LAMA2: variants seen among roughly 807,000 people sequenced by gnomAD.
LAMA2 encodes laminin subunit alpha-2.
In LAMA2, 269 loss-of-function variants were observed where a neutral mutation model predicts 364.8. The ratio of observed to expected loss-of-function variants is 0.74; its 90% CI spans 0.67 to 0.82. The LOEUF (loss-of-function observed/expected upper bound fraction) is 0.82. Among genes scored for constraint, LAMA2 ranks in the 40% least tolerant of loss-of-function variants. LAMA2 has a pLI of 0.00. For synonymous variants in LAMA2, 1,379 were observed against 1,370.6 expected (o/e 1.01, Z -0.14); for missense variants, 3,807 against 3,873.2 (o/e 0.98, Z 0.45).
chr6:129,505,970 T>A (rs938685881), intron 61 of LAMA2, among the ~76,000 whole-genome samples: 11 of 152,336 alleles, frequency 7.2e-5, no homozygotes, highest in Non-Finnish European at 1.3e-4. Flanking sequence ...CAAGTTAATC[T>A]TTTTTAACAA....
chr6:129,277,152 C>T lies in LAMA2; in HGVS notation c.2451-2909C>T, dbSNP rs572087690. Among the ~76,000 whole-genome samples, 130 of 152,048 alleles carry T rather than the reference C, an allele frequency of 8.5e-4. 1 individual carries two copies. Among genetic ancestry groups the T allele is most frequent in the Non-Finnish European group, 8.8e-4 (60 of 67,966 alleles). The stretch of plus-strand genomic sequence containing the variant: ...TTCCTGTGGCGTGGTTTGGATAATC[C>T]GGGATGAAGAACATTTTCTGCTGGT... On this transcript the variant is annotated intron_variant, in intron 17 of 64. Coordinates refer to ENST00000421865, the MANE Select transcript of LAMA2 (RefSeq NM_000426.4).
chr6:129,150,764 C>T (rs933403776), intron 7 of LAMA2, among the ~76,000 whole-genome samples: 1 of 152,072 alleles, frequency 6.6e-6, no homozygotes, highest in Non-Finnish European at 1.5e-5. Flanking sequence ...TAAAGCCATA[C>T]ATAAAAATCA....
intron 51 of LAMA2, among the ~76,000 whole-genome samples, chr6:129,466,331 A>C (rs1321884405): frequency 6.6e-6 from 1 of 152,024 alleles, no homozygotes; most frequent in South Asian, 2.1e-4. Flanking sequence ...GTCAGTTTCC[A>C]CTGGAGTGAC....
At chr6:129,487,203 G>A (rs1370070232) in intron 56 of LAMA2, among the ~76,000 whole-genome samples, 5 of 152,228 alleles carry the variant, frequency 3.3e-5, no homozygotes, top group Non-Finnish European at 7.3e-5. Flanking sequence ...CTGCTGCCCT[G>A]AGCCTGGCCA....
At chr6:129,470,397 T>C (rs1298784571) in intron 51 of LAMA2, among the ~76,000 whole-genome samples, 3 of 151,942 alleles carry the variant, frequency 2.0e-5, no homozygotes, top group Non-Finnish European at 4.4e-5. Flanking sequence ...CAAGCATACA[T>C]ACATTTAAGT....
chr6:128,929,219 AG>A, intron 1 of LAMA2: 2 of 1,488,790 alleles, frequency 1.3e-6, no homozygotes, highest in South Asian at 2.3e-5. Context: ...GCGCCTTCTG[AG>A]CTTCTTCCTC....
intron 1 of LAMA2, among the ~76,000 whole-genome samples, chr6:128,887,869 CAAACA>C (rs561343120): frequency 4.3e-4 from 65 of 152,150 alleles, no homozygotes; most frequent in South Asian, 1.0e-3. Flanking sequence ...GACTCTATCT[CAAACA>C]AAACAAAACA....
At chr6:129,177,333 C>T (rs1018678107) in intron 9 of LAMA2, among the ~76,000 whole-genome samples, 8 of 152,148 alleles carry the variant, frequency 5.3e-5, no homozygotes, top group Non-Finnish European at 7.3e-5. Flanking sequence ...AGGCTTGTTC[C>T]GTGAGCCACT....
chr6:128,984,973 T>C (rs1783128252), intron 1 of LAMA2, among the ~76,000 whole-genome samples: 7 of 152,216 alleles, frequency 4.6e-5, no homozygotes, highest in Admixed American at 3.9e-4. Context: ...TACTAATTAG[T>C]TACTTGGTAT....
intron 58 of LAMA2, 106 bp from the exon 59 acceptor site, chr6:129,502,553 A>G (rs979001192): frequency 3.9e-6 from 3 of 775,586 alleles, no homozygotes; most frequent in Non-Finnish European, 6.9e-6. Flanking sequence ...TGTAGTTTTT[A>G]TTCTTAAAGA....
chr6:129,210,197 C>T (rs1449129017), intron 12 of LAMA2, among the ~76,000 whole-genome samples: 5 of 151,844 alleles, frequency 3.3e-5, no homozygotes, highest in African/African-American at 1.2e-4. Flanking sequence ...GTTCCCTAGA[C>T]TTTGACTTTC....
At chr6:129,442,052 C>T (rs7738519) in intron 43 of LAMA2, among the ~76,000 whole-genome samples, 101,236 of 152,098 alleles carry the variant, frequency 0.67, 34,384 homozygotes, top group African/African-American at 0.81. Flanking sequence ...CTTGGGTAAT[C>T]TGTGCTTTTC....
chr6:128,962,468 G>T (rs941047684), intron 1 of LAMA2, among the ~76,000 whole-genome samples: 9 of 151,968 alleles, frequency 5.9e-5, no homozygotes, highest in African/African-American at 1.9e-4. Context: ...AGCTTAAGAG[G>T]TTCTTTAACT....
Position 129,401,278 on chromosome 6 carries a change from G to A in LAMA2, c.5500G>A (p.Glu1834Lys), listed in dbSNP as rs1380727315. ...GKRQIENTLK[E>K]GNDILDEANR... ...ACGACAAATTGAGAACACTTTAAAAGAGGGCAATGACATACTCGATGAAGC... is the reference window on the plus strand; with the variant it reads ...ACGACAAATTGAGAACACTTTAAAAAAGGGCAATGACATACTCGATGAAGC... Residue 1834 changes from glutamate to lysine, a missense_variant, in exon 38 of 65, where the codon GAG becomes AAG. Glu to Lys is a moderately conservative substitution (Grantham distance 56). Transcript: ENST00000421865. 5 of 1,613,220 alleles carry A rather than the reference G, an allele frequency of 3.1e-6. No homozygotes were observed. In the South Asian group the frequency reaches 5.5e-5, roughly 18 times the overall value.
At chr6:129,389,426 T>C (rs1779198427) in intron 35 of LAMA2, among the ~76,000 whole-genome samples, 1 of 152,182 alleles carries the variant, frequency 6.6e-6, no homozygotes, top group Non-Finnish European at 1.5e-5. Context: ...GGTTCAGAGA[T>C]GGCTGTCTCC....
intron 12 of LAMA2, among the ~76,000 whole-genome samples, chr6:129,211,580 G>C (rs67846041): frequency 2.0e-5 from 3 of 152,126 alleles, no homozygotes; most frequent in Non-Finnish European, 4.4e-5. Context: ...TAAAATGCCC[G>C]TGGTAAGTGT....
chr6:129,090,735 T>C (rs1302475146), intron 3 of LAMA2, among the ~76,000 whole-genome samples: 5 of 152,216 alleles, frequency 3.3e-5, no homozygotes, highest in Admixed American at 2.6e-4. Context: ...TTCATATTTT[T>C]GGCACAACCA....
chr6:129,378,758 C>T (rs1778515672), intron 34 of LAMA2, among the ~76,000 whole-genome samples: 1 of 152,140 alleles, frequency 6.6e-6, no homozygotes. Flanking sequence ...CTCCAATTCC[C>T]TGTACATGTA....
chr6:129,102,969 C>A (rs1047958410), intron 4 of LAMA2, among the ~76,000 whole-genome samples: 1 of 152,174 alleles, frequency 6.6e-6, no homozygotes, highest in Non-Finnish European at 1.5e-5. Context: ...TTACGAAAGT[C>A]CCACCCATGC....
Sources: allele counts gnomAD v4.1 joint callset (sites outside exome capture counted in the v4.1 genomes callset), GRCh38; gene constraint gnomAD v4.1.1; transcripts MANE v1.5; gene names NCBI Gene and HGNC (gene_info 2026-07-23, HGNC 2026-07-21).